TMEM233: variants seen among roughly 807,000 people sequenced by gnomAD.
TMEM233 encodes the protein dispanin subfamily B member 2.
In TMEM233, 6 loss-of-function variants were observed where a neutral mutation model predicts 11.2. The ratio of observed to expected loss-of-function variants is 0.54; its 90% CI spans 0.29 to 1.06. The LOEUF (loss-of-function observed/expected upper bound fraction) is 1.06, where lower values mean the gene tolerates loss of function less well. Among genes scored for constraint, TMEM233 ranks in the 50% least tolerant of loss-of-function variants. The probability of loss-of-function intolerance (pLI) is 0.08; values close to 1 mark genes in which losing one functional copy is unlikely to be tolerated. For missense variants in TMEM233, 127 were observed against 144.7 expected (o/e 0.88, Z 0.63); for synonymous variants, 59 against 55.8 (o/e 1.06, Z -0.26).
At chr12:119,602,845 G>C (rs868694804) in intron 1 of TMEM233, among the ~76,000 whole-genome samples, 4 of 152,214 alleles carry the variant, frequency 2.6e-5, no homozygotes, top group Non-Finnish European at 5.9e-5. Context: ...TGGGGATAGA[G>C]ATAAAACAAG....
intron 2 of TMEM233, among the ~76,000 whole-genome samples, 164 bp from the exon 3 acceptor site, chr12:119,640,535 A>T (rs1277260510): frequency 6.6e-6 from 1 of 152,218 alleles, no homozygotes; most frequent in Non-Finnish European, 1.5e-5. Context: ...TCTCAAAAGG[A>T]AGCCCCTGCT....
downstream of TMEM233, among the ~76,000 whole-genome samples, chr12:119,647,970 C>A (rs148864216): frequency 5.3e-3 from 801 of 152,282 alleles, 1 homozygote; most frequent in Non-Finnish European, 8.7e-3. Context: ...CGCCCCCACT[C>A]TACTCAGCTG....
At chr12:119,639,954 C>T (rs969075914) in intron 2 of TMEM233, among the ~76,000 whole-genome samples, 13 of 152,148 alleles carry the variant, frequency 8.5e-5, no homozygotes, top group South Asian at 2.1e-4. Context: ...AATTGCAGCA[C>T]GATCACATTG....
At chr12:119,612,912 C>T (rs1593288189) in intron 1 of TMEM233, among the ~76,000 whole-genome samples, 1 of 151,434 alleles carries the variant, frequency 6.6e-6, no homozygotes, top group African/African-American at 2.4e-5. Flanking sequence ...GAGACCCTGT[C>T]AAAAAAATAA....
chr12:119,622,022 G>A (rs1158547209), intron 1 of TMEM233, among the ~76,000 whole-genome samples: 2 of 152,310 alleles, frequency 1.3e-5, no homozygotes, highest in Non-Finnish European at 2.9e-5. Flanking sequence ...GTTGCAAAAG[G>A]TAGTGATGAA....
intron 1 of TMEM233, among the ~76,000 whole-genome samples, chr12:119,608,478 A>G (rs1371673795): frequency 1.3e-5 from 2 of 152,230 alleles, no homozygotes; most frequent in Non-Finnish European, 2.9e-5. Context: ...GAGAAGGAAA[A>G]TGAAGGAGGC....
chr12:119,648,653 T>C, the TMEM233 span, among the ~76,000 whole-genome samples: 1 of 152,222 alleles, frequency 6.6e-6, no homozygotes, highest in African/African-American at 2.4e-5. Flanking sequence ...TGAGCCCCCA[T>C]GAGGGCAGGG....
At chr12:119,599,210 A>C (rs1053763607) in intron 1 of TMEM233, among the ~76,000 whole-genome samples, 2 of 152,232 alleles carry the variant, frequency 1.3e-5, no homozygotes, top group African/African-American at 2.4e-5. Context: ...AATGATAGTA[A>C]GTGCTATTTG....
rs79152929 is a variant in TMEM233, at chr12:119,610,951, C to T, written c.186+16917C>T. 6.9e-3 allele frequency among the ~76,000 whole-genome samples: 1,056 copies of T among 152,184 alleles called. 12 individuals carry two copies. The highest frequency in any genetic ancestry group is 0.025 in the African/African-American group (1,029 of 41,520). On this transcript the variant is annotated intron_variant, in intron 1 of 2. Coordinates refer to ENST00000426426, the MANE Select transcript of TMEM233 (RefSeq NM_001136534.3). ...ACAATATGTGATCTTTCATATATGT[C>T]CTCTTTCACTTAGCATCCTGTTTTC... is the stretch of plus-strand genomic sequence containing the variant.
At chr12:119,599,920 G>T (rs1954125558) in intron 1 of TMEM233, among the ~76,000 whole-genome samples, 1 of 152,120 alleles carries the variant, frequency 6.6e-6, no homozygotes. Context: ...TTAATGGAAA[G>T]CTGCAATGTT....
At chr12:119,629,150 C>A (rs1416050806) in intron 1 of TMEM233, among the ~76,000 whole-genome samples, 1 of 152,226 alleles carries the variant, frequency 6.6e-6, no homozygotes, top group Non-Finnish European at 1.5e-5. Context: ...TGGCTCATGC[C>A]TGTAATCCCA....
At chr12:119,598,107 A>G (rs577741546) in intron 1 of TMEM233, among the ~76,000 whole-genome samples, 3 of 152,190 alleles carry the variant, frequency 2.0e-5, no homozygotes, top group Admixed American at 2.0e-4. Flanking sequence ...TTTATTTGTT[A>G]TTCAACATGT....
intron 2 of TMEM233, among the ~76,000 whole-genome samples, chr12:119,632,201 T>C (rs530789375): frequency 2.6e-5 from 4 of 152,200 alleles, no homozygotes; most frequent in African/African-American, 4.8e-5. Context: ...TTAATCCTCA[T>C]TGAGTCTTCA....
chr12:119,622,780 G>T (rs1295105521), intron 1 of TMEM233, among the ~76,000 whole-genome samples: 1 of 152,178 alleles, frequency 6.6e-6, no homozygotes, highest in Non-Finnish European at 1.5e-5. Context: ...CCCGTGGGCA[G>T]CCCTTTTCCC....
chr12:119,600,918 TA>T (rs36006768), intron 1 of TMEM233, among the ~76,000 whole-genome samples: 56,117 of 151,878 alleles, frequency 0.37, 11,910 homozygotes, highest in East Asian at 0.56. Context: ...ACTGTATACT[TA>T]AAAATAGTTA....
chr12:119,602,916 T>G (rs993759354), intron 1 of TMEM233, among the ~76,000 whole-genome samples: 1 of 152,104 alleles, frequency 6.6e-6, no homozygotes, highest in Non-Finnish European at 1.5e-5. Context: ...TTTTATTATA[T>G]TACCCTGTCA....
At chr12:119,624,932 C>T (rs1954719928) in intron 1 of TMEM233, among the ~76,000 whole-genome samples, 1 of 152,122 alleles carries the variant, frequency 6.6e-6, no homozygotes, top group Non-Finnish European at 1.5e-5. Context: ...CATGATAGAG[C>T]CTGGTTCTCT....
intron 1 of TMEM233, among the ~76,000 whole-genome samples, chr12:119,617,525 C>T (rs1016799992): frequency 2.6e-5 from 4 of 152,014 alleles, no homozygotes; most frequent in Admixed American, 6.6e-5. Context: ...ATTTGCAGCC[C>T]GATGATGTGA....
At position 119,595,041 on chromosome 12, in the gene TMEM233, G is replaced by A. The variant is rs1464992314; in HGVS notation, c.186+1007G>A. ...CCTCCCGAGCTGCCCGCCTCTCTAG[G>A]AGTGGCCGCTGGGGCCTCTAGTCCG... On this transcript the variant is annotated intron_variant, in intron 1 of 2. Transcript: ENST00000426426. The surrounding 1 kb of genome is among the most constrained non-coding windows in gnomAD (Gnocchi z 4.3). 2.0e-5 allele frequency among the ~76,000 whole-genome samples: 3 copies of A among 152,322 alleles called. No individual in the cohort carries two copies. Among genetic ancestry groups the A allele is most frequent in the East Asian group, 3.9e-4 (2 of 5,152 alleles).
Sources: gnomAD v4.1 joint callset for allele counts (sites outside exome capture counted in the v4.1 genomes callset) on GRCh38, gnomAD v4.1.1 for gene constraint, Gnocchi (gnomAD v3.1) non-coding constraint, MANE v1.5 for transcripts, NCBI Gene and HGNC (gene_info 2026-07-23, HGNC 2026-07-21) for gene names.